The following NTM variants were observed in gnomAD, a reference collection of about 807,000 sequenced individuals.
NTM encodes the protein neurotrimin, also known as IgLON family member 2.
NTM carries 13 observed loss-of-function variants against 42.1 expected under a neutral mutation model. The observed-to-expected ratio is 0.31, with a 90% CI of 0.20 to 0.49. The LOEUF is 0.49. NTM is among the 20% of genes least tolerant of loss of function. The pLI is 0.99. For synonymous variants in NTM, 187 were observed against 179.2 expected, an observed-to-expected ratio of 1.04 and a Z score of -0.35; for missense variants, 373 against 452.8, an observed-to-expected ratio of 0.82 and a Z score of 1.60.
chr11:131,859,153 A>G (rs1252202999), intron 1 of NTM, among the ~76,000 whole-genome samples: 1 of 152,190 alleles, frequency 6.6e-6, no homozygotes, highest in Non-Finnish European at 1.5e-5. Flanking sequence ...CGAGAGACAC[A>G]TCGGGTGTCT....
intron 4 of NTM, among the ~76,000 whole-genome samples, chr11:132,289,645 A>G (rs1591773701): frequency 6.6e-6 from 1 of 152,248 alleles, no homozygotes; most frequent in Non-Finnish European, 1.5e-5. Context: ...GAAAGAGAAG[A>G]AAAAATGTAA....
At chr11:132,237,604 G>A (rs2089278251) in intron 4 of NTM, among the ~76,000 whole-genome samples, 2 of 152,160 alleles carry the variant, frequency 1.3e-5, no homozygotes, top group Admixed American at 1.3e-4. Flanking sequence ...CAGCATCTCA[G>A]GCTGAGGGCT....
chr11:132,083,496 C>G (rs1566114632), intron 2 of NTM, among the ~76,000 whole-genome samples: 1 of 152,194 alleles, frequency 6.6e-6, no homozygotes, highest in African/African-American at 2.4e-5. Context: ...GGGTTTCTAT[C>G]CTCAAATATA....
chr11:132,061,876 C>A (rs750809901), intron 2 of NTM, among the ~76,000 whole-genome samples: 1 of 152,040 alleles, frequency 6.6e-6, no homozygotes, highest in South Asian at 2.1e-4. Flanking sequence ...TAAAAATTTT[C>A]TTTTGTTCAG....
intron 1 of NTM, among the ~76,000 whole-genome samples, chr11:131,607,974 T>A (rs1565700842): frequency 6.6e-6 from 1 of 152,126 alleles, no homozygotes. Flanking sequence ...TACATATGCA[T>A]ACGTGTGCCA....
chr11:132,320,877 CG>C (rs572172629), intron 7 of NTM, among the ~76,000 whole-genome samples: 81 of 151,596 alleles, frequency 5.3e-4, no homozygotes, highest in Middle Eastern at 6.8e-3. Flanking sequence ...CCCTGACCCC[CG>C]AGCAGCCTAA....
At chr11:132,255,025 C>CAGCCCT (rs1413310345) in intron 4 of NTM, among the ~76,000 whole-genome samples, 1 of 152,230 alleles carries the variant, frequency 6.6e-6, no homozygotes, top group Non-Finnish European at 1.5e-5. Flanking sequence ...TTGGGAAGCA[C>CAGCCCT]AGCCCTAGCC....
At chr11:132,185,920 C>G (rs984887699) in intron 3 of NTM, among the ~76,000 whole-genome samples, 8 of 152,190 alleles carry the variant, frequency 5.3e-5, no homozygotes, top group Admixed American at 2.0e-4. Flanking sequence ...CACTTCAAAG[C>G]AGACAGCTGC....
At chr11:131,498,697 G>T (rs1351579369) in intron 1 of NTM, among the ~76,000 whole-genome samples, 1 of 152,172 alleles carries the variant, frequency 6.6e-6, no homozygotes, top group Non-Finnish European at 1.5e-5. Context: ...CTGGAATGGT[G>T]GCCTCTGGGC....
At chr11:132,328,228 A>G (rs929058028) in intron 7 of NTM, among the ~76,000 whole-genome samples, 5 of 152,182 alleles carry the variant, frequency 3.3e-5, no homozygotes, top group African/African-American at 1.2e-4. Context: ...ATACGAAAAT[A>G]TCCTGGCATT....
At chr11:131,833,084 G>A (rs1332302786) in intron 1 of NTM, among the ~76,000 whole-genome samples, 2 of 152,206 alleles carry the variant, frequency 1.3e-5, no homozygotes, top group Non-Finnish European at 2.9e-5. Context: ...AGCTCACAAA[G>A]TGTATCCTAT....
intron 1 of NTM, among the ~76,000 whole-genome samples, chr11:131,388,269 C>G (rs556645696): frequency 1.2e-4 from 19 of 152,228 alleles, no homozygotes; most frequent in Admixed American, 2.6e-4. Context: ...TGTACATTCA[C>G]TTATCTATGT....
intron 1 of NTM, among the ~76,000 whole-genome samples, chr11:131,680,809 G>A (rs1321456495): frequency 3.5e-4 from 2 of 5,740 alleles, no homozygotes; most frequent in Non-Finnish European, 6.4e-4. Flanking sequence ...GTGTGTGTGT[G>A]TGTATGTGAG....
intron 2 of NTM, among the ~76,000 whole-genome samples, chr11:131,934,579 G>C (rs2059008656): frequency 6.6e-6 from 1 of 152,212 alleles, no homozygotes; most frequent in African/African-American, 2.4e-5. Flanking sequence ...TGTGAGAGGA[G>C]ATAGTAACAA....
At chr11:131,836,893 G>A (rs893279898) in intron 1 of NTM, among the ~76,000 whole-genome samples, 1 of 152,144 alleles carries the variant, frequency 6.6e-6, no homozygotes, top group Non-Finnish European at 1.5e-5. Flanking sequence ...GTGTCAGTTT[G>A]ATTTTGCTCC....
At chr11:132,086,926 C>A (rs2059791005) in intron 2 of NTM, among the ~76,000 whole-genome samples, 1 of 152,066 alleles carries the variant, frequency 6.6e-6, no homozygotes, top group African/African-American at 2.4e-5. Context: ...GACACAGTTA[C>A]CCATCTGTAA....
chr11:131,569,633 A>T (rs1433071876), intron 1 of NTM, among the ~76,000 whole-genome samples: 4 of 142,068 alleles, frequency 2.8e-5, no homozygotes, highest in African/African-American at 1.1e-4. Flanking sequence ...GCTGGACTAC[A>T]GTAGGGTGAT....
At chr11:131,795,541 C>T (rs768593340) in intron 1 of NTM, 1 of 985,332 alleles carries the variant, frequency 1.0e-6, no homozygotes, top group Non-Finnish European at 1.2e-6. Flanking sequence ...AGACACTGCT[C>T]TGTCAGGATA....
chr11:131,563,579 CTTTTTTTTTTTTTT>C (rs71911433), intron 1 of NTM, among the ~76,000 whole-genome samples: 1 of 88,784 alleles, frequency 1.1e-5, no homozygotes, highest in Non-Finnish European at 2.1e-5. Context: ...GCTCCAGACA[CTTTTTTTTTTTTTT>C]TTTTTTTTTG....
Sources: allele counts gnomAD v4.1 joint callset (sites outside exome capture counted in the v4.1 genomes callset), GRCh38; gene constraint gnomAD v4.1.1; transcripts MANE v1.5; gene names NCBI Gene and HGNC (gene_info 2026-07-23, HGNC 2026-07-21).